The following VPS53 variants were observed in gnomAD, a reference collection of about 807,000 sequenced individuals.
VPS53 encodes the protein VPS53 subunit of GARP complex, also known as vacuolar protein sorting-associated protein 53 homolog.
Under a neutral mutation model 107.0 loss-of-function variants are expected in VPS53, and 70 were observed. That is an observed-to-expected ratio of 0.65 (90% CI 0.54 to 0.80). The LOEUF is 0.80. VPS53 is among the 30% of genes least tolerant of loss of function. The pLI is 0.00. For synonymous variants in VPS53, 409 were observed against 393.3 expected, an observed-to-expected ratio of 1.04 and a Z score of -0.47; for missense variants, 917 against 1,049.4, an observed-to-expected ratio of 0.87 and a Z score of 1.74.
Position 672,076 on chromosome 17 carries a change from G to A in VPS53, c.286-10181C>T, listed in dbSNP as rs540756466. On this transcript the variant is annotated intron_variant, in intron 4 of 21. Transcript: ENST00000437048. ...GCAGCTAGGTTCCCCAGGAAGGGCA[G>A]GAGGCTGGACTACAGGTAGAGATGA... Among the ~76,000 whole-genome samples the A allele has an allele frequency of 4.7e-5, 7 of 147,546 alleles. No individual in the cohort carries two copies. The East Asian group carries it at 1.3e-3, about 27-fold the overall frequency.
intron 19 of VPS53, among the ~76,000 whole-genome samples, chr17:531,608 A>C (rs1909554243): frequency 6.6e-6 from 1 of 151,656 alleles, no homozygotes; most frequent in South Asian, 2.1e-4. Context: ...GAATCCTCCG[A>C]CTTCAGCCTC....
chr17:643,046 T>C (rs1970501675), intron 7 of VPS53, among the ~76,000 whole-genome samples: 1 of 130,598 alleles, frequency 7.7e-6, no homozygotes, highest in African/African-American at 2.6e-5. Flanking sequence ...CACTCATACT[T>C]GGAAATCAAG....
chr17:654,745 A>G (rs996436460), intron 6 of VPS53, among the ~76,000 whole-genome samples: 16 of 147,860 alleles, frequency 1.1e-4, no homozygotes, highest in Non-Finnish European at 2.4e-4. Context: ...TCAAAAAAAA[A>G]AAAAAAAAAG....
chr17:595,552 C>G lies in VPS53; in HGVS notation c.1218+6243G>C, dbSNP rs1259527961. 2.2e-4 allele frequency among the ~76,000 whole-genome samples: 4 copies of G among 17,938 alleles called. 1 individual carries two copies. Among genetic ancestry groups the G allele is most frequent in the Non-Finnish European group, 4.7e-4 (4 of 8,524 alleles). The allele number at this position is 17,938 out of a possible 152,430, so 11.8% of individuals were successfully genotyped here. The stretch of plus-strand genomic sequence containing the variant: ...CACTCTAGTGCCCCCCCGGAGGAAG[C>G]TGGGAGATGGGAAGGGGTCTGGATC... On this transcript the variant is annotated intron_variant, in intron 12 of 21. Transcript: ENST00000437048.
At chr17:677,982 G>C (rs750108768) in intron 4 of VPS53, among the ~76,000 whole-genome samples, 95 of 152,146 alleles carry the variant, frequency 6.2e-4, no homozygotes, top group Non-Finnish European at 1.1e-3. Context: ...TTAGCCAGGC[G>C]TGGTGGCGAG....
intron 12 of VPS53, among the ~76,000 whole-genome samples, chr17:587,818 A>G (rs1360313565): frequency 2.0e-5 from 3 of 152,198 alleles, no homozygotes; most frequent in Non-Finnish European, 4.4e-5. Context: ...TGTTAAATTG[A>G]ACTACTCATA....
intron 13 of VPS53, among the ~76,000 whole-genome samples, chr17:574,273 T>C (rs1191721941): frequency 3.3e-5 from 5 of 152,158 alleles, no homozygotes; most frequent in Non-Finnish European, 7.4e-5. Context: ...CACTTCATTT[T>C]TCACAGGAAA....
rs1022216251 is a variant in VPS53 at position 518,837 on chromosome 17, G to T, written c.*291C>A. ...TGTCAAGAGGGTGTGACTGCCATGG[G>T]GAGGCTACATGAGTCAAGGGCAGCT... On this transcript the variant is annotated 3_prime_UTR_variant, in exon 22 of 22. Coordinates refer to ENST00000437048, the MANE Select transcript of VPS53 (RefSeq NM_001128159.3). 1.3e-5 allele frequency: 4 copies of T among 301,216 alleles called. No homozygotes were observed. Among genetic ancestry groups the T allele is most frequent in the African/African-American group, 8.7e-5 (4 of 46,092 alleles). The allele number at this position is 301,216 out of a possible 1,614,324, so 18.7% of individuals were successfully genotyped here. A position where few individuals can be genotyped will look rare whatever the true frequency, so the allele number is the denominator to read the frequency against.
intron 17 of VPS53, among the ~76,000 whole-genome samples, chr17:551,237 A>G (rs1911791267): frequency 6.6e-6 from 1 of 151,994 alleles, no homozygotes. Context: ...AAATAGGAAC[A>G]TGAGAGGAAC....
chr17:650,647 A>T (rs1476932530), intron 7 of VPS53, among the ~76,000 whole-genome samples: 1 of 152,252 alleles, frequency 6.6e-6, no homozygotes, highest in East Asian at 1.9e-4. Flanking sequence ...TACAGTACAG[A>T]TCGTACTACA....
intron 15 of VPS53, among the ~76,000 whole-genome samples, chr17:556,921 G>A (rs113795996): frequency 0.015 from 1,626 of 107,052 alleles, 25 homozygotes; most frequent in Non-Finnish European, 0.025. Context: ...CTGAAGGGGG[G>A]TGGCCAGGAG....
At chr17:661,979 G>C in intron 4 of VPS53, 84 bp from the exon 5 acceptor site, 1 of 1,213,722 alleles carries the variant, frequency 8.2e-7, no homozygotes, top group Admixed American at 2.6e-5. Context: ...AGGCACAAAA[G>C]AAATTTCCAT....
chr17:585,696 G>C (rs1024774091), intron 13 of VPS53, among the ~76,000 whole-genome samples: 2 of 152,104 alleles, frequency 1.3e-5, no homozygotes, highest in Non-Finnish European at 2.9e-5. Flanking sequence ...CAAGATTAAA[G>C]GAGACCAAGA....
intron 18 of VPS53, chr17:536,776 G>A: frequency 2.3e-6 from 1 of 436,234 alleles, no homozygotes; most frequent in Non-Finnish European, 4.2e-6. Flanking sequence ...CCAAACCGAG[G>A]GAATGTCCAG....
intron 13 of VPS53, among the ~76,000 whole-genome samples, chr17:569,700 C>G (rs1167358211): frequency 6.6e-6 from 1 of 152,046 alleles, no homozygotes; most frequent in Non-Finnish European, 1.5e-5. Flanking sequence ...GGGCAGATCA[C>G]TTGAGGTCAG....
chr17:714,606 A>G lies in VPS53; in HGVS notation c.87+17T>C. 6.2e-7 allele frequency: 1 copy of G among 1,600,508 alleles called. No homozygotes were observed. The highest frequency in any genetic ancestry group is 8.5e-7 in the Non-Finnish European group (1 of 1,173,704). Reference sequence around the variant, plus strand: ...TCCCGCACTCCCGTTTCCCCTCCTGAGGGGCGGAACGCTTACCTGCTCGAT... The same window carrying G: ...TCCCGCACTCCCGTTTCCCCTCCTGGGGGGCGGAACGCTTACCTGCTCGAT... On this transcript the variant is annotated intron_variant, in intron 1 of 21. Transcript: ENST00000437048.
chr17:530,239 G>T (rs1283541439), intron 19 of VPS53, among the ~76,000 whole-genome samples: 4 of 148,880 alleles, frequency 2.7e-5, no homozygotes. Flanking sequence ...GGTTCAAGCA[G>T]TTCTCCCAGG....
intron 13 of VPS53, among the ~76,000 whole-genome samples, chr17:566,718 G>A (rs1327691225): frequency 6.6e-6 from 1 of 151,718 alleles, no homozygotes; most frequent in South Asian, 2.1e-4. Flanking sequence ...TCTGACATGG[G>A]TGTTTTTTTT....
At chr17:568,095 T>G (rs60879573) in intron 13 of VPS53, among the ~76,000 whole-genome samples, 1 of 152,056 alleles carries the variant, frequency 6.6e-6, no homozygotes, top group African/African-American at 2.4e-5. Context: ...GCCATTTCTC[T>G]GGTGGGCCTG....
Sources: gnomAD v4.1 joint callset for allele counts (sites outside exome capture counted in the v4.1 genomes callset) on GRCh38, gnomAD v4.1.1 for gene constraint, MANE v1.5 for transcripts, NCBI Gene and HGNC (gene_info 2026-07-23, HGNC 2026-07-21) for gene names.